The following CNTN5 variants were observed in gnomAD, a reference collection of about 807,000 sequenced individuals.
The protein encoded by CNTN5 is contactin-5.
A neutral mutation model predicts 129.1 loss-of-function variants in CNTN5; 77 were observed. That is an observed-to-expected ratio of 0.60 (90% confidence interval 0.50 to 0.72). The LOEUF (loss-of-function observed/expected upper bound fraction) is 0.72. Among genes scored for constraint, CNTN5 ranks in the 30% least tolerant of loss-of-function variants. The pLI, the probability that CNTN5 is intolerant of heterozygous loss-of-function variation, is 0.00. For missense variants in CNTN5, 1,478 were observed against 1,328.8 expected (o/e 1.11, Z -1.75); for synonymous variants, 509 against 465.6 (o/e 1.09, Z -1.20).
At chr11:99,914,632 A>G (rs573576621) in intron 6 of CNTN5, among the ~76,000 whole-genome samples, 2 of 152,186 alleles carry the variant, frequency 1.3e-5, no homozygotes, top group South Asian at 2.1e-4. Flanking sequence ...TAGAACTAGA[A>G]TTGCTCTTTT....
intron 3 of CNTN5, among the ~76,000 whole-genome samples, chr11:99,720,668 CAAAT>C (rs1187082656): frequency 2.0e-5 from 3 of 151,806 alleles, no homozygotes; most frequent in Non-Finnish European, 1.5e-5. Flanking sequence ...TCAGGCAAGA[CAAAT>C]AAAGGAATCG....
At chr11:99,923,861 C>G (rs1949998597) in intron 7 of CNTN5, among the ~76,000 whole-genome samples, 1 of 152,008 alleles carries the variant, frequency 6.6e-6, no homozygotes, top group Admixed American at 6.6e-5. Flanking sequence ...GATCTCAGCT[C>G]ACTGCAACCT....
At chr11:99,618,938 G>GCA (rs1950843546) in intron 3 of CNTN5, among the ~76,000 whole-genome samples, 1 of 152,092 alleles carries the variant, frequency 6.6e-6, no homozygotes, top group Admixed American at 6.6e-5. Context: ...CAGCCATAAT[G>GCA]CACAACTTTG....
intron 3 of CNTN5, among the ~76,000 whole-genome samples, chr11:99,676,124 A>G (rs1403496489): frequency 6.6e-6 from 1 of 152,084 alleles, no homozygotes; most frequent in East Asian, 1.9e-4. Flanking sequence ...GTTAATTATT[A>G]CTTGCTATTC....
At chr11:99,788,572 C>T in intron 3 of CNTN5, among the ~76,000 whole-genome samples, 1 of 151,690 alleles carries the variant, frequency 6.6e-6, no homozygotes, top group Admixed American at 6.6e-5. Context: ...CAGTACTGAC[C>T]CCATACAAGT....
chr11:99,191,612 A>G (rs1858646782), intron 1 of CNTN5, among the ~76,000 whole-genome samples: 1 of 151,876 alleles, frequency 6.6e-6, no homozygotes, highest in Non-Finnish European at 1.5e-5. Context: ...AAATTATATC[A>G]AGTATCTTTC....
At chr11:99,578,001 C>A (rs1397833674) in intron 3 of CNTN5, among the ~76,000 whole-genome samples, 4 of 138,048 alleles carry the variant, frequency 2.9e-5, no homozygotes, top group African/African-American at 1.1e-4. Flanking sequence ...ACAACAGTCC[C>A]TGGTGTGTGA....
At chr11:99,905,381 G>A (rs993492660) in intron 6 of CNTN5, among the ~76,000 whole-genome samples, 16 of 152,022 alleles carry the variant, frequency 1.1e-4, no homozygotes, top group South Asian at 4.2e-4. Context: ...TGCAAATAGC[G>A]TTTATTAAAT....
intron 3 of CNTN5, among the ~76,000 whole-genome samples, chr11:99,616,086 A>T (rs1429720725): frequency 1.3e-5 from 2 of 152,230 alleles, no homozygotes; most frequent in South Asian, 2.1e-4. Context: ...CCATGTAAGC[A>T]TTGTATGTTT....
intron 13 of CNTN5, among the ~76,000 whole-genome samples, chr11:100,088,681 A>G (rs1799680243): frequency 6.6e-6 from 1 of 152,140 alleles, no homozygotes; most frequent in Non-Finnish European, 1.5e-5. Context: ...CCCAAGATTG[A>G]ATCAGGAAGA....
chr11:99,785,868 G>C (rs1386864127), intron 3 of CNTN5, among the ~76,000 whole-genome samples: 1 of 152,062 alleles, frequency 6.6e-6, no homozygotes, highest in Non-Finnish European at 1.5e-5. Context: ...AATAATAAGA[G>C]CTATTTATGA....
At chr11:99,755,275 A>T (rs1591102932) in intron 3 of CNTN5, among the ~76,000 whole-genome samples, 1 of 152,182 alleles carries the variant, frequency 6.6e-6, no homozygotes, top group East Asian at 1.9e-4. Context: ...TGGTAAGAGT[A>T]TGTTAACTTT....
At chr11:99,503,897 T>A (rs1248609057) in intron 2 of CNTN5, among the ~76,000 whole-genome samples, 1 of 152,182 alleles carries the variant, frequency 6.6e-6, no homozygotes, top group Non-Finnish European at 1.5e-5. Flanking sequence ...CCAAATTGAG[T>A]TAAATTAGCA....
At chr11:99,909,601 G>C (rs1244934806) in intron 6 of CNTN5, among the ~76,000 whole-genome samples, 2 of 152,086 alleles carry the variant, frequency 1.3e-5, no homozygotes, top group African/African-American at 2.4e-5. Flanking sequence ...AGAAAATGTG[G>C]CACATATAAA....
intron 2 of CNTN5, among the ~76,000 whole-genome samples, chr11:99,463,047 G>C (rs111985104): frequency 0.012 from 1,826 of 151,220 alleles, 39 homozygotes; most frequent in African/African-American, 0.042. Flanking sequence ...GGCGGAGGTT[G>C]CAGTGAGCAG....
intron 3 of CNTN5, among the ~76,000 whole-genome samples, chr11:99,740,772 T>G: frequency 6.6e-6 from 1 of 152,286 alleles, no homozygotes; most frequent in African/African-American, 2.4e-5. Flanking sequence ...TGAACATTTT[T>G]AACTGAAGAA....
At chr11:99,473,314 ATC>A (rs1217754922) in intron 2 of CNTN5, among the ~76,000 whole-genome samples, 8 of 152,164 alleles carry the variant, frequency 5.3e-5, no homozygotes, top group Non-Finnish European at 1.2e-4. Flanking sequence ...TTAAACATAT[ATC>A]TACTTGTCAA....
At chr11:99,648,802 A>T (rs1261065269) in intron 3 of CNTN5, among the ~76,000 whole-genome samples, 2 of 151,902 alleles carry the variant, frequency 1.3e-5, no homozygotes, top group African/African-American at 2.4e-5. Flanking sequence ...AAAATAAGTC[A>T]GGAAGAGGAA....
intron 2 of CNTN5, among the ~76,000 whole-genome samples, chr11:99,378,137 T>G (rs527345257): frequency 1.3e-5 from 2 of 152,260 alleles, no homozygotes; most frequent in East Asian, 3.9e-4. Context: ...TGTTTCTTAC[T>G]TTACCCTTAA....
Sources: allele counts gnomAD v4.1 joint callset (sites outside exome capture counted in the v4.1 genomes callset), GRCh38; gene constraint gnomAD v4.1.1; transcripts MANE v1.5; gene names NCBI Gene and HGNC (gene_info 2026-07-23, HGNC 2026-07-21).